Variants in MTMR3 observed in about 807,000 individuals in gnomAD.
MTMR3 encodes myotubularin related protein 3, also known as phosphatidylinositol-3,5-bisphosphate 3-phosphatase MTMR3.
A neutral mutation model predicts 132.4 loss-of-function variants in MTMR3; 32 were observed. The ratio of observed to expected loss-of-function variants is 0.24; its 90% CI spans 0.18 to 0.32. MTMR3 has a LOEUF of 0.32. Among genes scored for constraint, MTMR3 ranks in the 10% least tolerant of loss-of-function variants. The pLI is 1.00. For synonymous variants in MTMR3, 556 were observed against 550.3 expected, an observed-to-expected ratio of 1.01 and a Z score of -0.14; for missense variants, 1,216 against 1,489.6, an observed-to-expected ratio of 0.82 and a Z score of 3.02.
At chr22:29,944,443 AG>A in intron 1 of MTMR3, among the ~76,000 whole-genome samples, 1 of 152,194 alleles carries the variant, frequency 6.6e-6, no homozygotes, top group Middle Eastern at 3.4e-3. Context: ...TTTTGATAAT[AG>A]GGGAAAAAGT....
intron 5 of MTMR3, chr22:29,987,611 TAGG>T (rs1370091938): frequency 6.6e-6 from 1 of 152,228 alleles, no homozygotes; most frequent in African/African-American, 2.4e-5. Flanking sequence ...ATTTAAGGGA[TAGG>T]AGGAGGATCC....
intron 1 of MTMR3, among the ~76,000 whole-genome samples, chr22:29,896,112 C>T (rs1428166569): frequency 6.6e-6 from 1 of 152,248 alleles, no homozygotes; most frequent in African/African-American, 2.4e-5. Context: ...GAGTTCAAGA[C>T]CAGCCTGGCC....
At chr22:30,013,264 T>TA in intron 13 of MTMR3, 92 bp from the exon 14 acceptor site, 1 of 1,375,788 alleles carries the variant, frequency 7.3e-7, no homozygotes. Flanking sequence ...GGGAGGCTGT[T>TA]AGAGGGGATT....
chr22:29,900,393 T>C (rs1306602818), intron 1 of MTMR3, among the ~76,000 whole-genome samples: 2 of 152,196 alleles, frequency 1.3e-5, no homozygotes, highest in African/African-American at 4.8e-5. Flanking sequence ...ATAATAGGAA[T>C]ATAGAGTACT....
chr22:29,982,937 TTGTGTGTGTGTGTGTGTGTGTG>T (rs144471515), intron 5 of MTMR3: 4 of 146,386 alleles, frequency 2.7e-5, no homozygotes, highest in African/African-American at 7.7e-5. Flanking sequence ...AAAAGTTTGT[TTGTGTGTGTGTGTGTGTGTGTG>T]TGTGTGTGTG....
At chr22:29,902,045 AT>A (rs1229864032) in intron 1 of MTMR3, among the ~76,000 whole-genome samples, 4 of 151,908 alleles carry the variant, frequency 2.6e-5, no homozygotes, top group African/African-American at 7.3e-5. Context: ...GTGCCCATGT[AT>A]TTTTTTTATG....
At chr22:29,977,660 C>G (rs1027625000) in intron 3 of MTMR3, among the ~76,000 whole-genome samples, 3 of 152,144 alleles carry the variant, frequency 2.0e-5, no homozygotes, top group Non-Finnish European at 4.4e-5. Flanking sequence ...AACTCTCACC[C>G]AGTTTCATGA....
rs980528949 is a variant in MTMR3, at chr22:30,028,948, C to T, written c.*3147C>T. The T allele has an allele frequency of 6.6e-6, 1 of 152,362 alleles. No homozygotes were observed. The highest frequency in any genetic ancestry group is 1.5e-5 in the Non-Finnish European group (1 of 68,058). The allele number at this position is 152,362 out of a possible 1,614,324, so 9.4% of individuals were successfully genotyped here. On this transcript the variant is annotated 3_prime_UTR_variant, in exon 20 of 20. Transcript: ENST00000401950. ...CCATGGCCATCGTGTCTACACACAG[C>T]CACTATTGTTCCTGTGGGCTAGTCT...
chr22:29,945,450 C>G (rs979493384), intron 1 of MTMR3, among the ~76,000 whole-genome samples: 5 of 152,004 alleles, frequency 3.3e-5, no homozygotes, highest in Admixed American at 3.3e-4. Flanking sequence ...CATCTGTAAT[C>G]TCAACACTTT....
chr22:30,021,000 TC>T, intron 17 of MTMR3, 116 bp downstream of exon 17: 1 of 1,062,686 alleles, frequency 9.4e-7, no homozygotes, highest in Non-Finnish European at 1.3e-6. Flanking sequence ...ATTGGAAAGG[TC>T]CAGAGTAGCC....
intron 6 of MTMR3, chr22:29,990,155 C>G (rs2145907288): frequency 6.6e-6 from 1 of 152,400 alleles, no homozygotes; most frequent in African/African-American, 2.4e-5. Flanking sequence ...ATTGCTTGAG[C>G]CTGGGAGGCA....
intron 1 of MTMR3, among the ~76,000 whole-genome samples, chr22:29,921,134 C>G (rs1429246985): frequency 6.6e-6 from 1 of 152,092 alleles, no homozygotes; most frequent in Non-Finnish European, 1.5e-5. Flanking sequence ...GCTCAAAGTT[C>G]TGCAGGCTGT....
chr22:29,966,914 A>G (rs1159571257), intron 2 of MTMR3, among the ~76,000 whole-genome samples: 3 of 152,124 alleles, frequency 2.0e-5, no homozygotes, highest in Non-Finnish European at 4.4e-5. Context: ...TTGACTCCCA[A>G]TTATTTCTGA....
At chr22:29,911,910 A>G (rs1370386079) in intron 1 of MTMR3, among the ~76,000 whole-genome samples, 2 of 152,236 alleles carry the variant, frequency 1.3e-5, no homozygotes, top group East Asian at 3.8e-4. Context: ...CATAATAAGT[A>G]CAATAGCAAA....
chr22:29,937,067 T>C (rs1282783994), intron 1 of MTMR3, among the ~76,000 whole-genome samples: 1 of 152,178 alleles, frequency 6.6e-6, no homozygotes, highest in Non-Finnish European at 1.5e-5. Flanking sequence ...ACTAAGATAC[T>C]TCTTAATATT....
chr22:30,021,524 G>A (rs1172173931), intron 17 of MTMR3: 1 of 160,114 alleles, frequency 6.2e-6, no homozygotes, highest in East Asian at 1.8e-4. Context: ...ACAAGTGTGA[G>A]CCTGGCTCTC....
intron 1 of MTMR3, among the ~76,000 whole-genome samples, chr22:29,923,995 T>C (rs2065469325): frequency 6.6e-6 from 1 of 152,230 alleles, no homozygotes; most frequent in Admixed American, 6.5e-5. Context: ...GAGTTGCCTT[T>C]TGTACTCTGT....
chr22:29,947,909 T>C (rs1251599384), intron 1 of MTMR3, among the ~76,000 whole-genome samples: 3 of 152,148 alleles, frequency 2.0e-5, no homozygotes, highest in Admixed American at 2.0e-4. Flanking sequence ...CTTTTGGCCA[T>C]TTAATAATCT....
intron 4 of MTMR3, 88 bp downstream of exon 4, chr22:29,978,619 T>TTA (rs201716273): frequency 3.7e-4 from 333 of 901,250 alleles, no homozygotes; most frequent in African/African-American, 7.2e-4. Context: ...ACGTACTATA[T>TTA]TATATATATA....
Sources: gnomAD v4.1 joint callset for allele counts (sites outside exome capture counted in the v4.1 genomes callset) on GRCh38, gnomAD v4.1.1 for gene constraint, MANE v1.5 for transcripts, NCBI Gene and HGNC (gene_info 2026-07-23, HGNC 2026-07-21) for gene names.